MTOR: variants seen among roughly 807,000 people sequenced by gnomAD.
MTOR encodes the protein serine/threonine-protein kinase mTOR.
A neutral mutation model predicts 319.8 loss-of-function variants in MTOR; 70 were observed. The ratio of observed to expected loss-of-function variants is 0.22; its 90% confidence interval spans 0.18 to 0.27. The LOEUF (loss-of-function observed/expected upper bound fraction) is 0.27, where lower values mean the gene tolerates loss of function less well. MTOR is among the 10% of genes least tolerant of loss of function. MTOR has a pLI of 1.00. For missense variants in MTOR, 1,890 were observed against 3,274.4 expected (o/e 0.58, Z 10.32); for synonymous variants, 1,183 against 1,211.4 (o/e 0.98, Z 0.49).
intron 30 of MTOR, among the ~76,000 whole-genome samples, chr1:11,156,874 A>C (rs1002000249): frequency 3.9e-5 from 6 of 152,212 alleles, no homozygotes; most frequent in African/African-American, 1.4e-4. Flanking sequence ...AGTAAAGATC[A>C]GGAGAGTAGA....
Position 11,122,006 on chromosome 1 carries a change from G to A in MTOR, c.6783C>T (p.Leu2261=), listed in dbSNP as rs55951261. The A allele has an allele frequency of 1.9e-3, 3,129 of 1,614,170 alleles. 57 individuals carry two copies. The African/African-American group carries it at 0.037, about 19-fold the overall frequency. The change falls in exon 48 of 58, where the codon CTC becomes CTT. Residue 2261 remains leucine, a synonymous_variant. Coordinates refer to ENST00000361445, the MANE Select transcript of MTOR (RefSeq NM_004958.4). ...RDYREKKKIL[L]NIEHRIMLRM... Reference sequence around the variant, plus strand: ...GCAACATGATGCGATGCTCGATGTTGAGAAGGATCTTCTTCTTCTCCCTGT... The same window carrying A: ...GCAACATGATGCGATGCTCGATGTTAAGAAGGATCTTCTTCTTCTCCCTGT...
In MTOR at chr1:11,128,072, T is replaced by C. The variant is rs749715509; in HGVS notation, c.5965A>G (p.Asn1989Asp). The C allele has an allele frequency of 1.9e-6, 3 of 1,614,206 alleles. No homozygotes were observed. In the South Asian group the frequency reaches 3.3e-5, roughly 18 times the overall value. Residue 1989 changes from asparagine to aspartate, a missense_variant, in exon 43 of 58, where the codon AAT becomes GAT. By Grantham distance (23) the Asn-to-Asp change is conservative (BLOSUM62 1). Around this residue, in one of 15 missense-constraint regions of MTOR, gnomAD observed 249 missense variants for 596.2 expected, o/e 0.42. Transcript: ENST00000361445. This position sits in a 1 kb window ranked among gnomAD's most constrained non-coding sequence, Gnocchi z 5.3. ...ASKSTTTARH[N>D]AANKILKNMC... Reference sequence around the variant, plus strand: ...TTCTTCAGAATCTTGTTGGCTGCATTGTGCCGGGCTGTCGTGGTAGACTTA... The same window carrying C: ...TTCTTCAGAATCTTGTTGGCTGCATCGTGCCGGGCTGTCGTGGTAGACTTA...
At position 11,228,693 on chromosome 1, in the gene MTOR, C is replaced by T. The variant is rs1397910040; in HGVS notation, c.3005G>A (p.Arg1002Gln). Residue 1002 changes from arginine to glutamine, a missense_variant, in exon 19 of 58, where the codon CGA (arginine) becomes CAA (glutamine). Coordinates refer to ENST00000361445, the MANE Select transcript of MTOR (RefSeq NM_004958.4). ...QVMPTFLNVI[R>Q]VCDGAIREFL... ...TTCCCGGATGGCCCCATCACAGACTCGAATGACGTTAAGGAACGTGGGCAT... is the reference window on the plus strand; with the variant it reads ...TTCCCGGATGGCCCCATCACAGACTTGAATGACGTTAAGGAACGTGGGCAT... The T allele has an allele frequency of 1.2e-6, 2 of 1,613,920 alleles. No homozygotes were observed. Among genetic ancestry groups the T allele is most frequent in the Non-Finnish European group, 1.7e-6 (2 of 1,180,016 alleles).
intron 29 of MTOR, among the ~76,000 whole-genome samples, chr1:11,164,334 G>GAAAA (rs547043272): frequency 3.5e-4 from 21 of 59,996 alleles, no homozygotes; most frequent in South Asian, 1.5e-3. Flanking sequence ...GACTCTGCCT[G>GAAAA]AAAAAAAAAA....
At chr1:11,171,865 T>A (rs1035139509) in intron 28 of MTOR, among the ~76,000 whole-genome samples, 1 of 151,826 alleles carries the variant, frequency 6.6e-6, no homozygotes, top group Admixed American at 6.6e-5. Flanking sequence ...TGAAACCCCA[T>A]CTCTACTAAA....
chr1:11,115,917 T>C lies in MTOR; in HGVS notation c.7017-449A>G, dbSNP rs1279857467. On this transcript the variant is annotated intron_variant, in intron 50 of 57. Coordinates refer to ENST00000361445, the MANE Select transcript of MTOR (RefSeq NM_004958.4). This position sits in a 1 kb window ranked among gnomAD's most constrained non-coding sequence, Gnocchi z 4.5. The stretch of plus-strand genomic sequence containing the variant: ...GGTGACAAGGCTCTATCATTTTTAC[T>C]GAGCAGCCGTAACAGGGTCTCATCT... Among the ~76,000 whole-genome samples the C allele has an allele frequency of 6.6e-6, 1 of 152,240 alleles. No individual in the cohort carries two copies. The highest frequency in any genetic ancestry group is 1.5e-5 in the Non-Finnish European group (1 of 68,040).
chr1:11,208,103 C>T (rs1646197672), intron 25 of MTOR, among the ~76,000 whole-genome samples: 1 of 152,230 alleles, frequency 6.6e-6, no homozygotes, highest in Non-Finnish European at 1.5e-5. Flanking sequence ...AAATGTACAT[C>T]TGGCCTCCTG....
chr1:11,171,266 T>C (rs1407155118), intron 28 of MTOR, among the ~76,000 whole-genome samples: 1 of 151,684 alleles, frequency 6.6e-6, no homozygotes, highest in Admixed American at 6.6e-5. Flanking sequence ...CTGGAAAACA[T>C]TCTATTTTCT....
At chr1:11,172,185 C>T (rs1644836368) in intron 28 of MTOR, among the ~76,000 whole-genome samples, 1 of 150,858 alleles carries the variant, frequency 6.6e-6, no homozygotes, top group African/African-American at 2.5e-5. Context: ...AGGCCTTTAC[C>T]AGTGGCCATT....
chr1:11,234,385 A>C, intron 13 of MTOR, 120 bp from the exon 14 acceptor site: 1 of 1,141,408 alleles, frequency 8.8e-7, no homozygotes, highest in Non-Finnish European at 1.2e-6. Context: ...CGACAGATGA[A>C]GTAGCTGCTA....
chr1:11,243,137 C>T lies in MTOR; in HGVS notation c.1389G>A (p.Leu463=), dbSNP rs143727655. Residue 463 remains leucine (L), a synonymous_variant, in exon 9 of 58, where the codon CTG becomes CTA. Transcript: ENST00000361445. ...PRVLDIIRAA[L]PPKDFAHKRQ... is the part of the protein sequence containing the mutation. ...ACTTATGGGCGAAGTCCTTTGGGGG[C>T]AGGGCCGCTCGGATGATGTCCAGCA... 56 of 1,613,970 alleles carry T rather than the reference C, an allele frequency of 3.5e-5. No homozygotes were observed. Among genetic ancestry groups the T allele is most frequent in the Non-Finnish European group, 4.6e-5 (54 of 1,180,040 alleles).
chr1:11,252,021 C>A (rs942390980), intron 6 of MTOR, among the ~76,000 whole-genome samples: 5 of 152,134 alleles, frequency 3.3e-5, no homozygotes, highest in African/African-American at 4.8e-5. Context: ...CTGGACACTT[C>A]ACACACATAG....
chr1:11,216,748 T>C (rs1646484624), intron 19 of MTOR, among the ~76,000 whole-genome samples: 1 of 152,036 alleles, frequency 6.6e-6, no homozygotes, highest in African/African-American at 2.4e-5. Flanking sequence ...GCGAGCCAGT[T>C]ACTGCACAGC....
chr1:11,225,022 G>T (rs952366852), intron 19 of MTOR, among the ~76,000 whole-genome samples: 1 of 152,182 alleles, frequency 6.6e-6, no homozygotes, highest in Non-Finnish European at 1.5e-5. Context: ...GAGAGAAGCA[G>T]ATTAGTAGTT....
In MTOR at chr1:11,121,459, C is replaced by G. The variant is rs763474677; in HGVS notation, c.6811-91G>C. On this transcript the variant is annotated intron_variant, in intron 48 of 57. Coordinates refer to ENST00000361445, the MANE Select transcript of MTOR (RefSeq NM_004958.4). This position sits in a 1 kb window ranked among gnomAD's most constrained non-coding sequence, Gnocchi z 4.9. Reference sequence around the variant, plus strand: ...AACAAGGCTTGGGGTCCAGGCAGAGCTGAGTTCTAATTTCCCCATCATAGC... The same window carrying G: ...AACAAGGCTTGGGGTCCAGGCAGAGGTGAGTTCTAATTTCCCCATCATAGC... 1.4e-5 allele frequency: 22 copies of G among 1,534,078 alleles called. No individual in the cohort carries two copies. Among genetic ancestry groups the G allele is most frequent in the Non-Finnish European group, 1.9e-5 (22 of 1,132,390 alleles).
intron 11 of MTOR, among the ~76,000 whole-genome samples, 174 bp downstream of exon 11, chr1:11,240,129 A>G (rs904733132): frequency 1.3e-5 from 2 of 152,194 alleles, no homozygotes; most frequent in Non-Finnish European, 2.9e-5. Context: ...ACAAAGAAAC[A>G]AAAGTAGGAA....
intron 19 of MTOR, among the ~76,000 whole-genome samples, chr1:11,218,645 T>C (rs1646557055): frequency 6.6e-6 from 1 of 152,108 alleles, no homozygotes; most frequent in African/African-American, 2.4e-5. Context: ...TTAGGCATGA[T>C]TAGGGAGCAT....
At chr1:11,249,690 C>A (rs1649348392) in intron 6 of MTOR, among the ~76,000 whole-genome samples, 1 of 140,200 alleles carries the variant, frequency 7.1e-6, no homozygotes. Flanking sequence ...ATCCATTTAA[C>A]CCTGAGTGGA....
intron 11 of MTOR, 51 bp from the exon 12 acceptor site, chr1:11,238,668 G>A: frequency 6.7e-7 from 1 of 1,481,822 alleles, no homozygotes; most frequent in Non-Finnish European, 9.2e-7. Flanking sequence ...GCTGTAGACA[G>A]GTAGGTCTGC....
Sources: gnomAD v4.1 joint callset for allele counts (sites outside exome capture counted in the v4.1 genomes callset) on GRCh38, gnomAD v4.1.1 for gene constraint, gnomAD v4.1.1 regional missense constraint, Gnocchi (gnomAD v3.1) non-coding constraint, MANE v1.5 for transcripts, NCBI Gene and HGNC (gene_info 2026-07-23, HGNC 2026-07-21) for gene names.